Variants in DCP2 observed in about 807,000 individuals in gnomAD.
DCP2 encodes decapping mRNA 2, also known as m7GpppN-mRNA hydrolase.
A neutral mutation model predicts 56.1 loss-of-function variants in DCP2; 30 were observed. The ratio of observed to expected loss-of-function variants is 0.53; its 90% CI spans 0.40 to 0.73. DCP2 has a LOEUF of 0.73. Among genes scored for constraint, DCP2 ranks in the 30% least tolerant of loss-of-function variants. The pLI, the probability that DCP2 is intolerant of heterozygous loss-of-function variation, is 0.00. For missense variants in DCP2, 533 were observed against 502.7 expected (o/e 1.06, Z -0.58); for synonymous variants, 197 against 163.3 (o/e 1.21, Z -1.57).
intron 9 of DCP2, among the ~76,000 whole-genome samples, chr5:113,010,023 T>C (rs1749611474): frequency 6.7e-6 from 1 of 150,152 alleles, no homozygotes; most frequent in African/African-American, 2.5e-5. Flanking sequence ...AGCCATTTTC[T>C]TGCCTCAGCT....
intron 1 of DCP2, among the ~76,000 whole-genome samples, chr5:112,983,298 G>T (rs1241190527): frequency 2.0e-5 from 3 of 152,154 alleles, no homozygotes. Context: ...AAGTCCCTAA[G>T]GCAATATTAC....
chr5:113,008,196 A>G (rs1438556439), intron 9 of DCP2, 154 bp downstream of exon 9: 1 of 554,674 alleles, frequency 1.8e-6, no homozygotes, highest in African/African-American at 1.9e-5. Flanking sequence ...CACTATTCAC[A>G]CTAAAAATCT....
chr5:113,005,553 A>T (rs939951250), intron 8 of DCP2, among the ~76,000 whole-genome samples: 1 of 152,212 alleles, frequency 6.6e-6, no homozygotes, highest in Non-Finnish European at 1.5e-5. Flanking sequence ...TGCATTGCTG[A>T]TGGGAGTGTA....
At chr5:112,979,588 TTG>T in intron 1 of DCP2, among the ~76,000 whole-genome samples, 1 of 152,362 alleles carries the variant, frequency 6.6e-6, no homozygotes, top group East Asian at 1.9e-4. Context: ...AAGTTTTCTT[TTG>T]TGTTACTTTG....
chr5:112,986,681 G>T (rs1215284685), intron 2 of DCP2, among the ~76,000 whole-genome samples: 2 of 152,100 alleles, frequency 1.3e-5, no homozygotes, highest in African/African-American at 4.8e-5. Context: ...GTTTGAAGCA[G>T]TGTTTTCAGT....
In DCP2 at chr5:113,015,689, A is replaced by T. The variant is rs1749857681; in HGVS notation, c.*2205A>T. The T allele has an allele frequency of 6.5e-6, 1 of 152,794 alleles. No homozygotes were observed. Among genetic ancestry groups the T allele is most frequent in the South Asian group, 2.1e-4 (1 of 4,828 alleles). The allele number at this position is 152,794 out of a possible 1,614,324, so 9.5% of individuals were successfully genotyped here. On this transcript the variant is annotated 3_prime_UTR_variant, in exon 11 of 11. Transcript: ENST00000389063. The stretch of plus-strand genomic sequence containing the variant: ...AAAAAAATGTTAAAAGATGTGAGTT[A>T]AAGTTTATGTGTGTGATGTGACTTA...
intron 4 of DCP2, among the ~76,000 whole-genome samples, chr5:112,994,815 T>C (rs1371180106): frequency 6.6e-6 from 1 of 152,144 alleles, no homozygotes; most frequent in African/African-American, 2.4e-5. Context: ...CATAAAGACC[T>C]TTAAGAAGAT....
Position 112,976,851 on chromosome 5 carries a change from G to C in DCP2, c.-83G>C, listed in dbSNP as rs769073574. ...CGGCTTCCTCGGCTGCCAGCTCTCC[G>C]GCGAGCCGGAGTCCTAGTGCCGTAC... On this transcript the variant is annotated 5_prime_UTR_variant, in exon 1 of 11. Coordinates refer to ENST00000389063, the MANE Select transcript of DCP2 (RefSeq NM_152624.6). The C allele has an allele frequency of 2.1e-6, 3 of 1,461,400 alleles. No homozygotes were observed. The highest frequency in any genetic ancestry group is 1.1e-5 in the South Asian group (1 of 88,002). 90.5% of individuals were successfully genotyped at this position (1,461,400 alleles called of 1,614,324 possible).
At chr5:112,978,454 C>T (rs1270329177) in intron 1 of DCP2, among the ~76,000 whole-genome samples, 1 of 152,214 alleles carries the variant, frequency 6.6e-6, no homozygotes, top group Non-Finnish European at 1.5e-5. Context: ...CAAGATTTCA[C>T]ACCTATTCCT....
At chr5:112,984,701 A>ATATATATATAT (rs1181496332) in intron 1 of DCP2, 54 of 79,538 alleles carry the variant, frequency 6.8e-4, no homozygotes, top group African/African-American at 2.4e-3. Context: ...AAAAAAAAAA[A>ATATATATATAT]AAATATATAT....
chr5:112,978,091 C>G (rs1017681564), intron 1 of DCP2, among the ~76,000 whole-genome samples: 1 of 152,112 alleles, frequency 6.6e-6, no homozygotes, highest in Non-Finnish European at 1.5e-5. Context: ...GAGTCTCTGC[C>G]TCAGCCTCCC....
chr5:112,989,711 A>G (rs1748492727), intron 2 of DCP2, among the ~76,000 whole-genome samples: 1 of 152,188 alleles, frequency 6.6e-6, no homozygotes, highest in Non-Finnish European at 1.5e-5. Context: ...TTCATTCATT[A>G]TTAACGTTTT....
intron 4 of DCP2, among the ~76,000 whole-genome samples, chr5:112,996,745 C>A: frequency 6.6e-6 from 1 of 152,162 alleles, no homozygotes; most frequent in African/African-American, 2.4e-5. Context: ...TTAGTAATTT[C>A]CAATCTTCTA....
At chr5:112,999,444 T>G (rs1749026049) in intron 4 of DCP2, among the ~76,000 whole-genome samples, 1 of 152,010 alleles carries the variant, frequency 6.6e-6, no homozygotes, top group African/African-American at 2.4e-5. Flanking sequence ...TTCTCCTGTC[T>G]CAGCCTTCCG....
In DCP2 at chr5:113,011,222, C is replaced by T. The variant is rs990901518; in HGVS notation, c.1099+415C>T. Among the ~76,000 whole-genome samples, 9 of 152,084 alleles carry T rather than the reference C, an allele frequency of 5.9e-5. No homozygotes were observed. In the South Asian group the frequency reaches 6.2e-4, roughly 11 times the overall value. Reference sequence around the variant, plus strand: ...ATCACTGTGGTTCTTCCCATACACACGTTAGTAAATTTGTATGCCTTTTTT... The same window carrying T: ...ATCACTGTGGTTCTTCCCATACACATGTTAGTAAATTTGTATGCCTTTTTT... On this transcript the variant is annotated intron_variant, in intron 10 of 10. Coordinates refer to ENST00000389063, the MANE Select transcript of DCP2 (RefSeq NM_152624.6).
chr5:113,017,303 A>T lies in DCP2; in HGVS notation c.*3819A>T, dbSNP rs1252129232. On this transcript the variant is annotated 3_prime_UTR_variant, in exon 11 of 11. Transcript: ENST00000389063. ...AACTTTAGATTACTAAACAAAACAA[A>T]CTGTTTTTTTGTTTGAAGGTATCCT... 6.6e-6 allele frequency: 1 copy of T among 151,590 alleles called. No homozygotes were observed. Among genetic ancestry groups the T allele is most frequent in the African/African-American group, 2.4e-5 (1 of 41,100 alleles). The allele number at this position is 151,590 out of a possible 1,614,324, so 9.4% of individuals were successfully genotyped here. A position where few individuals can be genotyped will look rare whatever the true frequency, so the allele number is the denominator to read the frequency against.
Position 113,018,154 on chromosome 5 carries a change from A to G in DCP2, c.*4670A>G, listed in dbSNP as rs1341259165. 6.6e-5 allele frequency: 10 copies of G among 152,262 alleles called. 1 individual carries two copies. The highest frequency in any genetic ancestry group is 6.5e-4 in the Admixed American group (10 of 15,286). The allele number at this position is 152,262 out of a possible 1,614,324, so 9.4% of individuals were successfully genotyped here. A position where few individuals can be genotyped will look rare whatever the true frequency, so the allele number is the denominator to read the frequency against. ...CTTTCCATCTAACTTCCTTGTGACA[A>G]ATAGCATTTACTATTGAAATAGTCT... On this transcript the variant is annotated 3_prime_UTR_variant, in exon 11 of 11. Coordinates refer to ENST00000389063, the MANE Select transcript of DCP2 (RefSeq NM_152624.6).
At chr5:113,009,874 A>G (rs538867411) in intron 9 of DCP2, among the ~76,000 whole-genome samples, 1 of 151,898 alleles carries the variant, frequency 6.6e-6, no homozygotes, top group African/African-American at 2.4e-5. Context: ...AAAATATAAT[A>G]CTAATTAGCT....
At chr5:112,984,084 C>G (rs1392958161) in intron 1 of DCP2, 2 of 152,104 alleles carry the variant, frequency 1.3e-5, no homozygotes, top group Admixed American at 6.5e-5. Context: ...CTATAGGATG[C>G]TTGTGAAAGG....
Sources: gnomAD v4.1 joint callset for allele counts (sites outside exome capture counted in the v4.1 genomes callset) on GRCh38, gnomAD v4.1.1 for gene constraint, MANE v1.5 for transcripts, NCBI Gene and HGNC (gene_info 2026-07-23, HGNC 2026-07-21) for gene names.